The following GLP1R variants were observed in gnomAD, a reference collection of about 807,000 sequenced individuals.
GLP1R encodes the protein glucagon like peptide 1 receptor, also known as glucagon-like peptide 1 receptor.
A neutral mutation model predicts 68.4 loss-of-function variants in GLP1R; 32 were observed. That is an observed-to-expected ratio of 0.47 (90% CI 0.35 to 0.63). The LOEUF is 0.63. Among genes scored for constraint, GLP1R ranks in the 20% least tolerant of loss-of-function variants. The pLI is 0.00. For synonymous variants in GLP1R, 263 were observed against 244.4 expected (o/e 1.08, Z -0.71); for missense variants, 502 against 594.9 (o/e 0.84, Z 1.62).
chr6:39,052,901 G>A (rs1177227150), intron 1 of GLP1R, among the ~76,000 whole-genome samples: 2 of 152,122 alleles, frequency 1.3e-5, no homozygotes, highest in Admixed American at 6.5e-5. Context: ...CTTATAAATC[G>A]CTGTCCAGTG....
At chr6:39,059,498 C>G (rs1157704822) in intron 3 of GLP1R, among the ~76,000 whole-genome samples, 1 of 152,102 alleles carries the variant, frequency 6.6e-6, no homozygotes, top group African/African-American at 2.4e-5. Flanking sequence ...GAGCTGTCTG[C>G]CCTCTCCTAT....
intron 12 of GLP1R, among the ~76,000 whole-genome samples, chr6:39,081,071 CAT>C (rs1420769210): frequency 1.1e-4 from 16 of 152,014 alleles, no homozygotes; most frequent in Non-Finnish European, 1.8e-4. Flanking sequence ...TCAACACACA[CAT>C]ACCCAAGCCA....
At chr6:39,065,643 G>T in intron 3 of GLP1R, 68 bp from the exon 4 acceptor site, 2 of 903,336 alleles carry the variant, frequency 2.2e-6, no homozygotes, top group Non-Finnish European at 1.8e-6. Flanking sequence ...GGAGGAAGGG[G>T]AGCATCTAGC....
chr6:39,065,669 C>G, intron 3 of GLP1R, 42 bp from the exon 4 acceptor site: 1 of 1,317,346 alleles, frequency 7.6e-7, no homozygotes, highest in Middle Eastern at 1.8e-4. Flanking sequence ...GCAGGCTGCC[C>G]TATTCTGGGC....
rs931944276 is a variant in GLP1R, at chr6:39,078,207, G to A, written c.824-115G>A. On this transcript the variant is annotated intron_variant, in intron 7 of 12. Transcript: ENST00000373256. ...AACTAGAAAACATAGTTGGAGGCCAGGCAAGGAGAGGGGCTGGAAGTGTGA... is the reference window on the plus strand; with the variant it reads ...AACTAGAAAACATAGTTGGAGGCCAAGCAAGGAGAGGGGCTGGAAGTGTGA... The A allele has an allele frequency of 3.3e-5, 26 of 780,550 alleles. No individual in the cohort carries two copies. In the Admixed American group the frequency reaches 4.7e-4, roughly 14 times the overall value. 48.4% of individuals were successfully genotyped at this position (780,550 alleles called of 1,614,324 possible).
intron 3 of GLP1R, among the ~76,000 whole-genome samples, chr6:39,062,324 G>A (rs1256045035): frequency 6.6e-6 from 1 of 152,218 alleles, no homozygotes; most frequent in East Asian, 1.9e-4. Context: ...AGATAAAGCT[G>A]GGTTGATAAG....
Position 39,089,453 on chromosome 6 carries a change from C to A in GLP1R, c.*3380C>A, listed in dbSNP as rs1769231252. On this transcript the variant is annotated 3_prime_UTR_variant, in exon 13 of 13. Coordinates refer to ENST00000373256, the MANE Select transcript of GLP1R (RefSeq NM_002062.5). This position sits in a 1 kb window ranked among gnomAD's most constrained non-coding sequence, Gnocchi z 4.1. ...GTAGCCTAGCAAAGATGGCACAGCA[C>A]CACAAAGGGCAAATGGAGTCAACTC... 6.6e-6 allele frequency among the ~76,000 whole-genome samples: 1 copy of A among 151,978 alleles called. No homozygotes were observed. Among genetic ancestry groups the A allele is most frequent in the African/African-American group, 2.4e-5 (1 of 41,290 alleles).
chr6:39,060,715 T>C (rs1257597816), intron 3 of GLP1R, among the ~76,000 whole-genome samples: 3 of 152,204 alleles, frequency 2.0e-5, no homozygotes, highest in African/African-American at 7.2e-5. Flanking sequence ...AGGGGTGCTG[T>C]CCCATGGCTC....
chr6:39,069,069 G>A (rs1012001656), intron 5 of GLP1R, among the ~76,000 whole-genome samples: 2 of 151,968 alleles, frequency 1.3e-5, no homozygotes, highest in African/African-American at 4.8e-5. Context: ...AGCAGTCAAG[G>A]GCAGCCATGC....
Position 39,086,171 on chromosome 6 carries a change from AC to A in GLP1R, c.*99del. On this transcript the variant is annotated 3_prime_UTR_variant, in exon 13 of 13. Coordinates refer to ENST00000373256, the MANE Select transcript of GLP1R (RefSeq NM_002062.5). The surrounding 1 kb of genome is among the most constrained non-coding windows in gnomAD (Gnocchi z 4.5). ...CAGGGACAAGGGAAGGAAGGGACAC[AC>A]ACACACACACACACACACACACACA... 3.4e-6 allele frequency: 1 copy of A among 290,922 alleles called. No homozygotes were observed. The highest frequency in any genetic ancestry group is 6.0e-6 in the Non-Finnish European group (1 of 167,258). The allele number at this position is 290,922 out of a possible 1,614,324, so 18.0% of individuals were successfully genotyped here.
Position 39,049,052 on chromosome 6 carries a change from G to C in GLP1R, c.78+134G>C, listed in dbSNP as rs1021820009. 2.1e-5 allele frequency: 10 copies of C among 484,458 alleles called. No individual in the cohort carries two copies. Among genetic ancestry groups the C allele is most frequent in the South Asian group, 1.6e-4 (5 of 30,388 alleles). 30.0% of individuals were successfully genotyped at this position (484,458 alleles called of 1,614,324 possible). ...CTGGCGGGGGCATCCGAAAGCCTCG[G>C]GGGGAGTAGGGACTGGAGACTTGGT... On this transcript the variant is annotated intron_variant, in intron 1 of 12. Coordinates refer to ENST00000373256, the MANE Select transcript of GLP1R (RefSeq NM_002062.5). The surrounding 1 kb of genome is among the most constrained non-coding windows in gnomAD (Gnocchi z 4.5).
chr6:39,079,014 C>G lies in GLP1R; in HGVS notation c.942C>G (p.Leu314=). ...NYWLIIRLPI[L]FAIGVNFLIF... ...GGCTCATTATCCGGCTGCCCATTCTCTTTGCCATTGGGGTGAGTGATGGTG... is the reference window on the plus strand; with the variant it reads ...GGCTCATTATCCGGCTGCCCATTCTGTTTGCCATTGGGGTGAGTGATGGTG... Residue 314 remains leucine, a synonymous_variant, in exon 9 of 13, where the codon CTC becomes CTG. Coordinates refer to ENST00000373256, the MANE Select transcript of GLP1R (RefSeq NM_002062.5). This position sits in a 1 kb window ranked among gnomAD's most constrained non-coding sequence, Gnocchi z 4.5. 6.2e-7 allele frequency: 1 copy of G among 1,614,076 alleles called. No individual in the cohort carries two copies. Among genetic ancestry groups the G allele is most frequent in the Non-Finnish European group, 8.5e-7 (1 of 1,179,928 alleles).
intron 5 of GLP1R, among the ~76,000 whole-genome samples, chr6:39,070,993 T>C (rs184896204): frequency 2.0e-5 from 3 of 152,216 alleles, no homozygotes; most frequent in Admixed American, 6.5e-5. Flanking sequence ...GTTAATTTTA[T>C]TGATTGCTTT....
At chr6:39,051,436 T>C (rs1329791629) in intron 1 of GLP1R, among the ~76,000 whole-genome samples, 1 of 152,122 alleles carries the variant, frequency 6.6e-6, no homozygotes, top group East Asian at 1.9e-4. Context: ...CTCTGTACTC[T>C]AGTGAATGGC....
chr6:39,048,943 A>C, intron 1 of GLP1R, 25 bp downstream of exon 1: 1 of 1,038,152 alleles, frequency 9.6e-7, no homozygotes, highest in Non-Finnish European at 1.3e-6. Context: ...CCCCGACGAC[A>C]CCGGGGGAGG....
At chr6:39,052,044 A>G (rs961667971) in intron 1 of GLP1R, among the ~76,000 whole-genome samples, 2 of 151,788 alleles carry the variant, frequency 1.3e-5, no homozygotes, top group Admixed American at 6.6e-5. Flanking sequence ...TGTACCTGGC[A>G]GTCTGTGAGT....
intron 5 of GLP1R, among the ~76,000 whole-genome samples, 186 bp downstream of exon 5, chr6:39,066,489 G>T (rs1217119652): frequency 3.3e-5 from 5 of 152,194 alleles, no homozygotes; most frequent in African/African-American, 1.2e-4. Context: ...TGTGTTCTTG[G>T]TCTAGTCTCC....
At chr6:39,078,794 C>T (rs1583646643) in intron 8 of GLP1R, among the ~76,000 whole-genome samples, 163 bp from the exon 9 acceptor site, 1 of 152,036 alleles carries the variant, frequency 6.6e-6, no homozygotes, top group Non-Finnish European at 1.5e-5. Flanking sequence ...TGTGCACTGG[C>T]AGGGCTCTGT....
At chr6:39,056,053 GTCTC>G (rs1279528835) in intron 1 of GLP1R, among the ~76,000 whole-genome samples, 1 of 152,140 alleles carries the variant, frequency 6.6e-6, no homozygotes, top group Non-Finnish European at 1.5e-5. Flanking sequence ...CCCTCAGAAA[GTCTC>G]TCTCCTAAGT....
Sources: allele counts gnomAD v4.1 joint callset (sites outside exome capture counted in the v4.1 genomes callset), GRCh38; gene constraint gnomAD v4.1.1; non-coding constraint Gnocchi (gnomAD v3.1); transcripts MANE v1.5; gene names NCBI Gene and HGNC (gene_info 2026-07-23, HGNC 2026-07-21).